The following GPM6A variants were observed in gnomAD, a reference collection of about 807,000 sequenced individuals.
The protein encoded by GPM6A is glycoprotein M6A.
GPM6A carries 7 observed loss-of-function variants against 32.1 expected under a neutral mutation model. The observed-to-expected ratio is 0.22, with a 90% confidence interval of 0.12 to 0.41. The LOEUF (loss-of-function observed/expected upper bound fraction) is 0.41, where lower values mean the gene tolerates loss of function less well. Ranked by LOEUF, GPM6A falls within the 10% of genes least tolerant of loss-of-function variation. The pLI is 1.00. For missense variants in GPM6A, 235 were observed against 347.2 expected (o/e 0.68, Z 2.57); for synonymous variants, 130 against 123.4 (o/e 1.05, Z -0.35).
intron 1 of GPM6A, among the ~76,000 whole-genome samples, chr4:175,730,950 C>T (rs147671934): frequency 7.3e-4 from 111 of 152,254 alleles, no homozygotes; most frequent in African/African-American, 2.3e-3. Flanking sequence ...TCTTCCTCTA[C>T]TCCTTTGCCT....
At chr4:175,835,627 GTATA>G (rs35980764) in intron 1 of GPM6A, among the ~76,000 whole-genome samples, 20,825 of 138,516 alleles carry the variant, frequency 0.15, 1,701 homozygotes, top group Admixed American at 0.22. Context: ...GTGAGTGTGT[GTATA>G]TATATATATA....
chr4:175,750,472 G>A (rs1047879596), intron 1 of GPM6A, among the ~76,000 whole-genome samples: 1 of 151,948 alleles, frequency 6.6e-6, no homozygotes, highest in African/African-American at 2.4e-5. Flanking sequence ...AAAAGTAGAG[G>A]ATTTCCTGAG....
intron 1 of GPM6A, among the ~76,000 whole-genome samples, chr4:175,994,712 A>G (rs1741251381): frequency 6.6e-6 from 1 of 152,176 alleles, no homozygotes; most frequent in Admixed American, 6.5e-5. Flanking sequence ...TTACAATAAG[A>G]TAATGAATTG....
intron 1 of GPM6A, among the ~76,000 whole-genome samples, chr4:175,722,925 TG>T (rs1486809893): frequency 2.0e-5 from 3 of 150,874 alleles, no homozygotes; most frequent in African/African-American, 7.3e-5. Context: ...GGTACACACC[TG>T]TAATCCCAGC....
chr4:175,794,567 C>T (rs571615387), intron 1 of GPM6A, among the ~76,000 whole-genome samples: 1 of 152,034 alleles, frequency 6.6e-6, no homozygotes, highest in Non-Finnish European at 1.5e-5. Flanking sequence ...AAAAGCATAG[C>T]ATAGAAATAG....
intron 6 of GPM6A, among the ~76,000 whole-genome samples, chr4:175,637,665 A>AAT (rs1161373497): frequency 0.096 from 1,605 of 16,642 alleles, 62 homozygotes; most frequent in African/African-American, 0.14. Flanking sequence ...TAAAATATAT[A>AAT]ATATATATAA....
intron 1 of GPM6A, among the ~76,000 whole-genome samples, chr4:175,771,807 C>G (rs546249490): frequency 2.0e-5 from 3 of 152,248 alleles, no homozygotes; most frequent in Admixed American, 2.0e-4. Context: ...ACAAAGCAGG[C>G]AGGATCCCTG....
chr4:175,705,609 A>G (rs1332820852), intron 1 of GPM6A, among the ~76,000 whole-genome samples: 2 of 152,102 alleles, frequency 1.3e-5, no homozygotes, highest in African/African-American at 4.8e-5. Context: ...TTCCACCCAC[A>G]GAGAGGAACA....
intron 1 of GPM6A, among the ~76,000 whole-genome samples, chr4:175,990,268 T>G (rs1036493070): frequency 1.3e-5 from 2 of 152,182 alleles, no homozygotes; most frequent in African/African-American, 4.8e-5. Context: ...CATCACTCCC[T>G]GTAGGAAATG....
intron 3 of GPM6A, among the ~76,000 whole-genome samples, chr4:175,654,619 G>C (rs148401221): frequency 2.5e-3 from 374 of 152,034 alleles, no homozygotes; most frequent in African/African-American, 8.5e-3. Flanking sequence ...AGAATGATGA[G>C]TTCTTGAGTC....
intron 3 of GPM6A, among the ~76,000 whole-genome samples, chr4:175,672,565 A>G (rs1743143778): frequency 6.6e-6 from 1 of 152,172 alleles, no homozygotes; most frequent in Non-Finnish European, 1.5e-5. Context: ...TTTTTCATCA[A>G]TCCAATATCT....
chr4:175,988,841 C>G (rs1450939400), intron 1 of GPM6A, among the ~76,000 whole-genome samples: 1 of 152,142 alleles, frequency 6.6e-6, no homozygotes, highest in Non-Finnish European at 1.5e-5. Context: ...GAGGGGCAGG[C>G]TCATTACTCT....
intron 4 of GPM6A, among the ~76,000 whole-genome samples, chr4:175,650,432 G>A (rs554773486): frequency 3.5e-4 from 53 of 151,992 alleles, no homozygotes; most frequent in Non-Finnish European, 6.0e-4. Context: ...AGCCTCCCAC[G>A]TAGCTGGGAC....
intron 1 of GPM6A, among the ~76,000 whole-genome samples, chr4:175,995,578 C>G (rs193013288): frequency 5.9e-5 from 9 of 152,090 alleles, no homozygotes; most frequent in South Asian, 2.1e-4. Flanking sequence ...CCTGCCTCAT[C>G]ATCAGTCGGA....
chr4:175,836,366 G>C (rs1387703730), intron 1 of GPM6A, among the ~76,000 whole-genome samples: 2 of 151,964 alleles, frequency 1.3e-5, no homozygotes, highest in African/African-American at 4.8e-5. Flanking sequence ...ATTTTTTTTA[G>C]GTGATGGAGA....
intron 2 of GPM6A, among the ~76,000 whole-genome samples, chr4:175,675,039 C>G (rs2110988752): frequency 6.6e-6 from 1 of 152,018 alleles, no homozygotes; most frequent in Admixed American, 6.5e-5. Context: ...TTTTCCCCAG[C>G]TCTGTAACTA....
chr4:175,917,917 T>C, intron 1 of GPM6A, among the ~76,000 whole-genome samples: 1 of 152,152 alleles, frequency 6.6e-6, no homozygotes, highest in Non-Finnish European at 1.5e-5. Context: ...AACTGAATCC[T>C]TCTTTCCCGG....
chr4:175,786,265 T>G (rs573666298), intron 1 of GPM6A, among the ~76,000 whole-genome samples: 2 of 151,714 alleles, frequency 1.3e-5, no homozygotes, highest in East Asian at 3.9e-4. Flanking sequence ...AACACCATCT[T>G]TTTTGAAGGT....
intron 1 of GPM6A, among the ~76,000 whole-genome samples, chr4:175,868,374 C>A (rs1036982371): frequency 6.6e-6 from 1 of 152,164 alleles, no homozygotes; most frequent in Non-Finnish European, 1.5e-5. Context: ...GTGAAACACC[C>A]TTTGTCAGTC....
Sources: allele counts gnomAD v4.1 joint callset (sites outside exome capture counted in the v4.1 genomes callset), GRCh38; gene constraint gnomAD v4.1.1; transcripts MANE v1.5; gene names NCBI Gene and HGNC (gene_info 2026-07-23, HGNC 2026-07-21).